HSD17B12: variants seen among roughly 807,000 people sequenced by gnomAD.
The protein encoded by HSD17B12 is hydroxysteroid 17-beta dehydrogenase 12.
A neutral mutation model predicts 39.3 loss-of-function variants in HSD17B12; 32 were observed. That is an observed-to-expected ratio of 0.81 (90% confidence interval 0.61 to 1.09). The LOEUF is 1.09. Among genes scored for constraint, HSD17B12 ranks in the 50% least tolerant of loss-of-function variants. HSD17B12 has a pLI of 0.00. For missense variants in HSD17B12, 342 were observed against 382.9 expected (o/e 0.89, Z 0.89); for synonymous variants, 150 against 146.7 (o/e 1.02, Z -0.16).
intron 1 of HSD17B12, among the ~76,000 whole-genome samples, chr11:43,726,095 G>T (rs1950217785): frequency 6.6e-6 from 1 of 152,148 alleles, no homozygotes; most frequent in Non-Finnish European, 1.5e-5. Context: ...TAATACTAAT[G>T]ATAATAAAAG....
the HSD17B12 span, among the ~76,000 whole-genome samples, chr11:43,620,213 C>T: frequency 2.0e-5 from 3 of 152,304 alleles, no homozygotes; most frequent in Admixed American, 6.5e-5. Context: ...GCCTTTACTA[C>T]GTACCAACCA....
chr11:43,839,911 A>T (rs534730445), intron 8 of HSD17B12, 88 bp from the exon 9 acceptor site: 1 of 1,013,262 alleles, frequency 9.9e-7, no homozygotes, highest in Non-Finnish European at 1.5e-6. Context: ...GCATTAAATG[A>T]TTAGTTTATT....
At chr11:43,711,589 C>T (rs1950066970) in intron 1 of HSD17B12, among the ~76,000 whole-genome samples, 1 of 151,840 alleles carries the variant, frequency 6.6e-6, no homozygotes, top group South Asian at 2.1e-4. Context: ...ATCCTCCCAC[C>T]TCAGCCTCCC....
chr11:43,756,955 T>C (rs1950512339), intron 3 of HSD17B12, among the ~76,000 whole-genome samples: 1 of 152,234 alleles, frequency 6.6e-6, no homozygotes, highest in Non-Finnish European at 1.5e-5. Context: ...TGGGTTTTTA[T>C]CCTTGTTAAA....
the HSD17B12 span, among the ~76,000 whole-genome samples, chr11:43,668,941 G>A: frequency 3.4e-3 from 516 of 152,064 alleles, 3 homozygotes; most frequent in East Asian, 0.03. Flanking sequence ...AATCCTCTAT[G>A]CCTTGGCTTC....
chr11:43,742,516 GAGT>G (rs1385138327), intron 1 of HSD17B12, among the ~76,000 whole-genome samples: 1 of 152,136 alleles, frequency 6.6e-6, no homozygotes, highest in East Asian at 1.9e-4. Context: ...CATGTTTGTT[GAGT>G]AGGACTTTTT....
chr11:43,846,081 G>C (rs1056564306), intron 9 of HSD17B12, among the ~76,000 whole-genome samples: 4 of 152,208 alleles, frequency 2.6e-5, no homozygotes, highest in Admixed American at 6.5e-5. Flanking sequence ...CACTGAGCTT[G>C]GAGTCAGCAG....
At chr11:43,733,531 C>T (rs143669264) in intron 1 of HSD17B12, among the ~76,000 whole-genome samples, 12 of 152,294 alleles carry the variant, frequency 7.9e-5, no homozygotes, top group African/African-American at 2.9e-4. Flanking sequence ...GCAGTCCGAA[C>T]TTAGGATTCT....
the HSD17B12 span, among the ~76,000 whole-genome samples, chr11:43,650,047 T>C: frequency 6.6e-6 from 1 of 152,164 alleles, no homozygotes. Flanking sequence ...TGCCCAGTGG[T>C]ACCCTTCCCA....
upstream of HSD17B12, among the ~76,000 whole-genome samples, chr11:43,677,854 C>T (rs376511316): frequency 3.3e-4 from 50 of 152,086 alleles, no homozygotes; most frequent in African/African-American, 1.2e-3. Flanking sequence ...GTTGGACATT[C>T]GGGTTGGTTC....
chr11:43,584,052 G>A, the HSD17B12 span, among the ~76,000 whole-genome samples: 1 of 152,164 alleles, frequency 6.6e-6, no homozygotes, highest in Non-Finnish European at 1.5e-5. Context: ...GCAGGTGGCT[G>A]GGCCAGGCAA....
At chr11:43,650,778 G>A in the HSD17B12 span, among the ~76,000 whole-genome samples, 2 of 152,160 alleles carry the variant, frequency 1.3e-5, no homozygotes, top group African/African-American at 2.4e-5. Flanking sequence ...TCACAGTCTC[G>A]ATTTTTGCTG....
chr11:43,656,120 T>C, the HSD17B12 span, among the ~76,000 whole-genome samples: 2 of 152,216 alleles, frequency 1.3e-5, no homozygotes, highest in South Asian at 2.1e-4. Flanking sequence ...AACTTCTTCC[T>C]GGTTTAGTCT....
the HSD17B12 span, among the ~76,000 whole-genome samples, chr11:43,615,818 C>G: frequency 6.6e-6 from 1 of 152,182 alleles, no homozygotes; most frequent in African/African-American, 2.4e-5. Flanking sequence ...GTTCATACTT[C>G]TCTCTTAGAT....
At chr11:43,690,388 A>ATT (rs1232125962) in intron 1 of HSD17B12, among the ~76,000 whole-genome samples, 123 of 11,788 alleles carry the variant, frequency 0.01, 20 homozygotes, top group South Asian at 0.026. Flanking sequence ...ATATATATAT[A>ATT]TATATATATA....
the HSD17B12 span, among the ~76,000 whole-genome samples, chr11:43,658,884 G>T: frequency 6.6e-6 from 1 of 152,212 alleles, no homozygotes; most frequent in Non-Finnish European, 1.5e-5. Context: ...TAGATCTCAA[G>T]CTGCGTGCTG....
chr11:43,652,967 G>A, the HSD17B12 span, among the ~76,000 whole-genome samples: 1 of 152,028 alleles, frequency 6.6e-6, no homozygotes, highest in Non-Finnish European at 1.5e-5. Flanking sequence ...CAGATTCTTG[G>A]GCTCTCTGGC....
chr11:43,635,067 A>C, the HSD17B12 span, among the ~76,000 whole-genome samples: 1 of 152,228 alleles, frequency 6.6e-6, no homozygotes, highest in Non-Finnish European at 1.5e-5. Context: ...AAGTTATCTC[A>C]GCAAATATAA....
intron 6 of HSD17B12, among the ~76,000 whole-genome samples, chr11:43,817,746 G>A (rs541155407): frequency 3.9e-5 from 6 of 151,996 alleles, no homozygotes; most frequent in East Asian, 1.9e-4. Flanking sequence ...TGACTATGGC[G>A]TTATAGTGTA....
Sources: gnomAD v4.1 joint callset for allele counts (sites outside exome capture counted in the v4.1 genomes callset) on GRCh38, gnomAD v4.1.1 for gene constraint, MANE v1.5 for transcripts, NCBI Gene and HGNC (gene_info 2026-07-23, HGNC 2026-07-21) for gene names.